The following SLIT3 variants were observed in gnomAD, a reference collection of about 807,000 sequenced individuals.
The protein encoded by SLIT3 is slit guidance ligand 3, also known as slit homolog 3 protein.
In SLIT3, 68 loss-of-function variants were observed where a neutral mutation model predicts 184.0. The observed-to-expected ratio is 0.37, with a 90% CI of 0.30 to 0.45. The LOEUF (loss-of-function observed/expected upper bound fraction) is 0.45, where lower values mean the gene tolerates loss of function less well. Among genes scored for constraint, SLIT3 ranks in the 20% least tolerant of loss-of-function variants. The pLI is 1.00. For missense variants in SLIT3, 1,707 were observed against 2,026.0 expected (o/e 0.84, Z 3.02); for synonymous variants, 831 against 828.6 (o/e 1.00, Z -0.05).
At chr5:168,802,319 C>G (rs376108232) in intron 9 of SLIT3, among the ~76,000 whole-genome samples, 3 of 152,004 alleles carry the variant, frequency 2.0e-5, no homozygotes, top group African/African-American at 7.2e-5. Flanking sequence ...ACACAGGTCC[C>G]CAGGTACATG....
At chr5:168,936,483 T>TTA (rs1762163756) in intron 4 of SLIT3, among the ~76,000 whole-genome samples, 2 of 152,178 alleles carry the variant, frequency 1.3e-5, no homozygotes, top group African/African-American at 4.8e-5. Flanking sequence ...TCCACCCGCC[T>TTA]AGGCCTCCCA....
At chr5:169,053,413 T>G (rs1328437166) in intron 4 of SLIT3, among the ~76,000 whole-genome samples, 1 of 152,238 alleles carries the variant, frequency 6.6e-6, no homozygotes, top group Admixed American at 6.5e-5. Context: ...TGCCTTTTTT[T>G]GTTTTGCCAT....
At chr5:168,773,267 T>C (rs1240207069) in intron 13 of SLIT3, among the ~76,000 whole-genome samples, 3 of 152,176 alleles carry the variant, frequency 2.0e-5, no homozygotes, top group Admixed American at 6.5e-5. Context: ...AACCCAGTCA[T>C]GGTTTGCACT....
At chr5:168,904,905 G>A (rs1025146872) in intron 4 of SLIT3, among the ~76,000 whole-genome samples, 8 of 152,228 alleles carry the variant, frequency 5.3e-5, no homozygotes, top group Non-Finnish European at 1.2e-4. Context: ...GGTGGCTCAC[G>A]CCTGTAATCC....
intron 5 of SLIT3, among the ~76,000 whole-genome samples, chr5:168,856,023 C>T (rs1329198476): frequency 3.3e-5 from 5 of 152,090 alleles, no homozygotes; most frequent in African/African-American, 1.2e-4. Flanking sequence ...GCAGGAGAAT[C>T]GCTTGAACCT....
intron 4 of SLIT3, among the ~76,000 whole-genome samples, chr5:169,093,224 A>G (rs1035042009): frequency 4.6e-5 from 7 of 152,086 alleles, no homozygotes; most frequent in African/African-American, 1.4e-4. Context: ...TACTGGTTTC[A>G]TTCTTAGGTG....
At position 168,913,340 on chromosome 5, in the gene SLIT3, C is replaced by T. The variant is rs181314677; in HGVS notation, c.414-30004G>A. On this transcript the variant is annotated intron_variant, in intron 4 of 35. Coordinates refer to ENST00000519560, the MANE Select transcript of SLIT3 (RefSeq NM_003062.4). ...CCATTGGTTTGAGAAGCATTACTAACGCCCTCATATTAAGTGACCACAACA... is the reference window on the plus strand; with the variant it reads ...CCATTGGTTTGAGAAGCATTACTAATGCCCTCATATTAAGTGACCACAACA... Among the ~76,000 whole-genome samples the T allele has an allele frequency of 8.5e-5, 13 of 152,326 alleles. No homozygotes were observed. The East Asian group carries it at 1.7e-3, about 20-fold the overall frequency.
chr5:168,787,766 T>C (rs1756208648), intron 11 of SLIT3, among the ~76,000 whole-genome samples: 1 of 151,992 alleles, frequency 6.6e-6, no homozygotes, highest in Non-Finnish European at 1.5e-5. Flanking sequence ...ACGATAAATA[T>C]TTGTTGAATG....
intron 4 of SLIT3, among the ~76,000 whole-genome samples, chr5:169,177,698 G>A (rs942869530): frequency 5.9e-5 from 9 of 152,112 alleles, no homozygotes; most frequent in South Asian, 2.1e-4. Context: ...AAATGATGCC[G>A]ATTCAAAGCT....
intron 4 of SLIT3, among the ~76,000 whole-genome samples, chr5:169,182,066 T>TTGGCCAAC: frequency 6.6e-6 from 1 of 152,266 alleles, no homozygotes; most frequent in Non-Finnish European, 1.5e-5. Flanking sequence ...GATATTCCAC[T>TTGGCCAAC]TGGCCAACCG....
intron 12 of SLIT3, among the ~76,000 whole-genome samples, chr5:168,775,293 C>A (rs1755704641): frequency 1.3e-5 from 2 of 152,036 alleles, no homozygotes; most frequent in Admixed American, 1.3e-4. Flanking sequence ...CTGCCTTGGC[C>A]TCCAAAGTGC....
At chr5:168,726,962 G>A (rs902109951) in intron 20 of SLIT3, among the ~76,000 whole-genome samples, 38 of 149,484 alleles carry the variant, frequency 2.5e-4, no homozygotes, top group Non-Finnish European at 5.0e-4. Context: ...AGTGAGCCAA[G>A]ATTGCACTAC....
chr5:169,040,256 T>C (rs922182341), intron 4 of SLIT3, among the ~76,000 whole-genome samples: 2 of 152,164 alleles, frequency 1.3e-5, no homozygotes, highest in African/African-American at 4.8e-5. Context: ...TTTAATACTT[T>C]TCTATATTGG....
At chr5:169,055,503 G>A (rs1380866847) in intron 4 of SLIT3, among the ~76,000 whole-genome samples, 1 of 152,186 alleles carries the variant, frequency 6.6e-6, no homozygotes, top group Non-Finnish European at 1.5e-5. Flanking sequence ...AAAAAGGCCA[G>A]GAAGAGGTCA....
chr5:169,183,346 G>A lies in SLIT3; in HGVS notation c.413+10133C>T, dbSNP rs7715133. 1.0e-2 allele frequency among the ~76,000 whole-genome samples: 1,519 copies of A among 152,294 alleles called. 33 individuals are homozygous for A. Among genetic ancestry groups the A allele is most frequent in the African/African-American group, 0.035 (1,436 of 41,554 alleles). ...TATGAAGGCTTTCAGCTGTATGTGC[G>A]AGGAGGTGAGCTTGTCTTGCCATCA... On this transcript the variant is annotated intron_variant, in intron 4 of 35. Coordinates refer to ENST00000519560, the MANE Select transcript of SLIT3 (RefSeq NM_003062.4).
intron 31 of SLIT3, among the ~76,000 whole-genome samples, chr5:168,685,227 G>A (rs1014643798): frequency 2.6e-5 from 4 of 152,222 alleles, no homozygotes; most frequent in Admixed American, 1.3e-4. Context: ...GGGATTATAG[G>A]CATGAGCCAC....
intron 4 of SLIT3, among the ~76,000 whole-genome samples, chr5:169,141,861 C>T (rs976956283): frequency 6.6e-6 from 1 of 151,344 alleles, no homozygotes; most frequent in African/African-American, 2.4e-5. Flanking sequence ...ACCATCCTGA[C>T]CTACATGGTG....
intron 4 of SLIT3, among the ~76,000 whole-genome samples, chr5:169,037,207 A>G (rs1483564601): frequency 6.6e-6 from 1 of 152,268 alleles, no homozygotes; most frequent in African/African-American, 2.4e-5. Flanking sequence ...CAAGAGCATT[A>G]GTAGTCACTT....
At chr5:168,957,408 A>AAGGC (rs1170876078) in intron 4 of SLIT3, among the ~76,000 whole-genome samples, 2 of 152,072 alleles carry the variant, frequency 1.3e-5, no homozygotes, top group Non-Finnish European at 2.9e-5. Context: ...CTGGCTGTGA[A>AAGGC]AGGCTTCGTG....
Sources: allele counts gnomAD v4.1 joint callset (sites outside exome capture counted in the v4.1 genomes callset), GRCh38; gene constraint gnomAD v4.1.1; transcripts MANE v1.5; gene names NCBI Gene and HGNC (gene_info 2026-07-23, HGNC 2026-07-21).